Variants in MEIOSIN observed in about 807,000 individuals in gnomAD.
MEIOSIN encodes meiosis initiator protein.
A neutral mutation model predicts 23.4 loss-of-function variants in MEIOSIN; 18 were observed. The ratio of observed to expected loss-of-function variants is 0.77; its 90% CI spans 0.53 to 1.14. The LOEUF is 1.14. Among genes scored for constraint, MEIOSIN ranks in the 50% most tolerant of loss-of-function variants. The pLI, the probability that MEIOSIN is intolerant of heterozygous loss-of-function variation, is 0.00. For synonymous variants in MEIOSIN, 187 were observed against 100.6 expected (o/e 1.86, Z -5.14); for missense variants, 428 against 242.9 (o/e 1.76, Z -5.07).
At chr19:45,746,815 TGTCTCAAAAGAAAAA>T (rs1444943959) in intron 4 of MEIOSIN, among the ~76,000 whole-genome samples, 5 of 150,452 alleles carry the variant, frequency 3.3e-5, no homozygotes, top group Non-Finnish European at 5.9e-5. Context: ...AGCAAGACTC[TGTCTCAAAAGAAAAA>T]AAAAAAAAAA....
At chr19:45,759,354 A>G in intron 10 of MEIOSIN, 60 bp from the exon 11 acceptor site, 1 of 700,762 alleles carries the variant, frequency 1.4e-6, no homozygotes, top group Non-Finnish European at 2.6e-6. Flanking sequence ...GTGTGGCTGA[A>G]GCTGGGCGGT....
chr19:45,759,096 C>T (rs1248982707), intron 10 of MEIOSIN, 63 bp downstream of exon 10: 6 of 696,648 alleles, frequency 8.6e-6, no homozygotes, highest in African/African-American at 1.7e-5. Flanking sequence ...CCCAGGCCTG[C>T]GCTGGGCCAT....
intron 2 of MEIOSIN, 110 bp from the exon 3 acceptor site, chr19:45,739,516 T>C: frequency 1.5e-6 from 1 of 664,086 alleles, no homozygotes; most frequent in East Asian, 2.7e-5. Context: ...TCTTGCCAAC[T>C]CCATATACCC....
chr19:45,739,472 G>A (rs1300052767), intron 2 of MEIOSIN, among the ~76,000 whole-genome samples, 154 bp from the exon 3 acceptor site: 4 of 152,074 alleles, frequency 2.6e-5, no homozygotes, highest in Non-Finnish European at 5.9e-5. Flanking sequence ...CCCTTTGGAA[G>A]GGCAAGATGG....
intron 1 of MEIOSIN, among the ~76,000 whole-genome samples, chr19:45,735,022 T>C (rs1968387777): frequency 6.6e-6 from 1 of 151,980 alleles, no homozygotes; most frequent in African/African-American, 2.4e-5. Flanking sequence ...GCCTCCCAAG[T>C]AGCTGGGATT....
At chr19:45,735,485 C>G in intron 2 of MEIOSIN, 38 bp downstream of exon 2, 1 of 681,670 alleles carries the variant, frequency 1.5e-6, no homozygotes, top group Non-Finnish European at 2.7e-6. Flanking sequence ...GCCCCAGCCA[C>G]TCTCATTGAA....
In MEIOSIN at chr19:45,761,872, G is replaced by C. The variant is rs1420727529; in HGVS notation, c.1434+5G>C. On this transcript the variant is annotated splice_donor_5th_base_variant and intron_variant, in intron 12 of 14. Coordinates refer to ENST00000457052, the MANE Select transcript of MEIOSIN (RefSeq NM_001310124.2). The stretch of plus-strand genomic sequence containing the variant: ...CCCCTGTGGAAGCAGCGAGAGGTGA[G>C]AGACACGGCCGCATGCCAGGGCCAG... 1.4e-5 allele frequency: 9 copies of C among 648,842 alleles called. No individual in the cohort carries two copies. Among genetic ancestry groups the C allele is most frequent in the Non-Finnish European group, 2.5e-5 (9 of 355,436 alleles). The allele number at this position is 648,842 out of a possible 1,614,324, so 40.2% of individuals were successfully genotyped here. A position where few individuals can be genotyped will look rare whatever the true frequency, so the allele number is the denominator to read the frequency against.
intron 3 of MEIOSIN, among the ~76,000 whole-genome samples, chr19:45,743,066 G>C (rs16979992): frequency 0.037 from 5,639 of 152,184 alleles, 360 homozygotes; most frequent in African/African-American, 0.13. Flanking sequence ...CTTCTGGAGG[G>C]CCCTGAGAGC....
chr19:45,757,146 G>A, intron 8 of MEIOSIN, 31 bp from the exon 9 acceptor site: 1 of 702,228 alleles, frequency 1.4e-6, no homozygotes, highest in Non-Finnish European at 2.6e-6. Flanking sequence ...CAGAGTCTGT[G>A]AGTCTGACTC....
chr19:45,761,662 C>T lies in MEIOSIN; in HGVS notation c.1246-17C>T. The T allele has an allele frequency of 1.4e-6, 1 of 700,346 alleles. No individual in the cohort carries two copies. Among genetic ancestry groups the T allele is most frequent in the Non-Finnish European group, 2.6e-6 (1 of 383,548 alleles). 43.4% of individuals were successfully genotyped at this position (700,346 alleles called of 1,614,324 possible). On this transcript the variant is annotated splice_polypyrimidine_tract_variant and intron_variant, in intron 11 of 14. Coordinates refer to ENST00000457052, the MANE Select transcript of MEIOSIN (RefSeq NM_001310124.2). ...CACTTGTCTCCCCTCCCATCTTTCT[C>T]CCTCATCATGCCCCAGGACACAGCC...
At chr19:45,747,441 A>T (rs1468585230) in intron 4 of MEIOSIN, among the ~76,000 whole-genome samples, 3 of 152,148 alleles carry the variant, frequency 2.0e-5, no homozygotes, top group Non-Finnish European at 2.9e-5. Context: ...CCCTCTGACC[A>T]TGAACACCCC....
At chr19:45,760,930 A>AAAAAAAAAGAAAGAAAAG (rs1968925692) in intron 11 of MEIOSIN, among the ~76,000 whole-genome samples, 1 of 139,850 alleles carries the variant, frequency 7.2e-6, no homozygotes, top group African/African-American at 2.5e-5. Flanking sequence ...GTCTCAAAAA[A>AAAAAAAAAGAAAGAAAAG]AAAAAAAAGA....
At chr19:45,753,354 C>A (rs143526717) in intron 5 of MEIOSIN, among the ~76,000 whole-genome samples, 1 of 152,188 alleles carries the variant, frequency 6.6e-6, no homozygotes, top group East Asian at 1.9e-4. Context: ...GGAGGAGGTA[C>A]TGGTGTGGGC....
intron 1 of MEIOSIN, among the ~76,000 whole-genome samples, chr19:45,734,119 C>T (rs1050480908): frequency 6.6e-6 from 1 of 151,834 alleles, no homozygotes. Context: ...GGCCTAAATC[C>T]CAATGTAGAG....
intron 3 of MEIOSIN, among the ~76,000 whole-genome samples, chr19:45,740,870 A>T (rs986640639): frequency 1.3e-5 from 2 of 151,952 alleles, no homozygotes; most frequent in Non-Finnish European, 2.9e-5. Context: ...AATTAGGTTC[A>T]TATGCCACTT....
At chr19:45,744,331 GT>G (rs1480539255) in intron 3 of MEIOSIN, among the ~76,000 whole-genome samples, 3 of 151,732 alleles carry the variant, frequency 2.0e-5, no homozygotes, top group Admixed American at 6.6e-5. Context: ...CCTTTTACAA[GT>G]TTCCATAACA....
chr19:45,753,685 G>A lies in MEIOSIN; in HGVS notation c.453G>A (p.Arg151=). 1.4e-6 allele frequency: 1 copy of A among 702,906 alleles called. No individual in the cohort carries two copies. The highest frequency in any genetic ancestry group is 2.6e-6 in the Non-Finnish European group (1 of 384,936). 43.5% of individuals were successfully genotyped at this position (702,906 alleles called of 1,614,324 possible). A position where few individuals can be genotyped will look rare whatever the true frequency, so the allele number is the denominator to read the frequency against. ...LGQKPAWGPA[R]RRRHSTPSSS... ...AGAAACCAGCCTGGGGCCCAGCCAGGCGGAGGAGACACTCTACCCCCTCCA... is the reference window on the plus strand; with the variant it reads ...AGAAACCAGCCTGGGGCCCAGCCAGACGGAGGAGACACTCTACCCCCTCCA... The change falls in exon 6 of 15, where the codon AGG becomes AGA. Residue 151 remains arginine (R), a synonymous_variant. Coordinates refer to ENST00000457052, the MANE Select transcript of MEIOSIN (RefSeq NM_001310124.2).
At chr19:45,734,835 C>A (rs1600372121) in intron 1 of MEIOSIN, among the ~76,000 whole-genome samples, 2 of 151,638 alleles carry the variant, frequency 1.3e-5, no homozygotes, top group Non-Finnish European at 2.9e-5. Context: ...GGATTTAGGT[C>A]CTCATTTTGG....
At position 45,753,633 on chromosome 19, in the gene MEIOSIN, C is replaced by T; in HGVS notation, c.419-18C>T. On this transcript the variant is annotated intron_variant, in intron 5 of 14. Coordinates refer to ENST00000457052, the MANE Select transcript of MEIOSIN (RefSeq NM_001310124.2). The stretch of plus-strand genomic sequence containing the variant: ...ATGGGGTGGGGGATCTGAGCTGTTT[C>T]CCTCTCCATCCCTGCAGGGCTGGGT... 1.4e-6 allele frequency: 1 copy of T among 695,868 alleles called. No homozygotes were observed. The highest frequency in any genetic ancestry group is 2.6e-6 in the Non-Finnish European group (1 of 381,880). 43.1% of individuals were successfully genotyped at this position (695,868 alleles called of 1,614,324 possible).
Sources: gnomAD v4.1 joint callset for allele counts (sites outside exome capture counted in the v4.1 genomes callset) on GRCh38, gnomAD v4.1.1 for gene constraint, MANE v1.5 for transcripts, NCBI Gene and HGNC (gene_info 2026-07-23, HGNC 2026-07-21) for gene names.